The following KCNT1 variants were observed in gnomAD, a reference collection of about 807,000 sequenced individuals.
KCNT1 encodes potassium channel subfamily T member 1.
KCNT1 carries 78 observed loss-of-function variants against 147.8 expected under a neutral mutation model. The ratio of observed to expected loss-of-function variants is 0.53; its 90% CI spans 0.44 to 0.64. The LOEUF (loss-of-function observed/expected upper bound fraction) is 0.64, where lower values mean the gene tolerates loss of function less well. Ranked by LOEUF, KCNT1 falls within the 30% of genes least tolerant of loss-of-function variation. KCNT1 has a pLI of 0.00. For synonymous variants in KCNT1, 867 were observed against 748.8 expected (o/e 1.16, Z -2.58); for missense variants, 1,419 against 1,750.3 (o/e 0.81, Z 3.38).
rs1348044116 is a variant in KCNT1 at position 135,785,637 on chromosome 9, G to A, written c.3177+307G>A. ...AGGCAGGCAGCCCCCATGCCCATCT[G>A]GCCTGACCAGCCCCCAGCCTCCCAG... On this transcript the variant is annotated intron_variant, in intron 28 of 30. Coordinates refer to ENST00000371757, the MANE Select transcript of KCNT1 (RefSeq NM_020822.3). The A allele has an allele frequency of 2.1e-5, 12 of 573,668 alleles. No individual in the cohort carries two copies. In the East Asian group the frequency reaches 3.2e-4, roughly 16 times the overall value. 35.5% of individuals were successfully genotyped at this position (573,668 alleles called of 1,614,324 possible).
At position 135,770,219 on chromosome 9, in the gene KCNT1, G is replaced by A. The variant is rs185809995; in HGVS notation, c.1620-79G>A. Reference sequence around the variant, plus strand: ...ATCCATGCCAGGGGAAGCAGAGGGGGGCACCTGCAGACCCAGCCGGGGAGA... The same window carrying A: ...ATCCATGCCAGGGGAAGCAGAGGGGAGCACCTGCAGACCCAGCCGGGGAGA... On this transcript the variant is annotated intron_variant, in intron 16 of 30. Coordinates refer to ENST00000371757, the MANE Select transcript of KCNT1 (RefSeq NM_020822.3). 8.5e-5 allele frequency: 128 copies of A among 1,504,530 alleles called. 3 individuals are homozygous for A. The South Asian group carries it at 1.5e-3, about 18-fold the overall frequency. The allele number at this position is 1,504,530 out of a possible 1,614,324, so 93.2% of individuals were successfully genotyped here.
chr9:135,737,259 G>C (rs1439498007), intron 2 of KCNT1, among the ~76,000 whole-genome samples: 1 of 152,212 alleles, frequency 6.6e-6, no homozygotes, highest in Non-Finnish European at 1.5e-5. Flanking sequence ...GTATGCTTGG[G>C]CTGGTGTCTG....
In KCNT1 at chr9:135,791,874, G is replaced by T; in HGVS notation, c.3580G>T (p.Asp1194Tyr). 6.2e-7 allele frequency: 1 copy of T among 1,613,868 alleles called. No individual in the cohort carries two copies. The highest frequency in any genetic ancestry group is 1.1e-5 in the South Asian group (1 of 91,056). Reference protein sequence around the residue: ...PPPDTRLEPSDIVYLIRSDPL... With the variant: ...PPPDTRLEPSYIVYLIRSDPL... ...GCCCGACACGAGGCTGGAGCCCAGT[G>T]ACATTGTGTGAGTAGCACCTGTGGG... The change falls in exon 30 of 31, where the codon GAC becomes TAC. Residue 1194 changes from aspartate to tyrosine, a missense_variant. Physicochemically the swap from Asp to Tyr is radical, Grantham distance 160 (BLOSUM62 -3). This residue lies in a region of KCNT1 where 306 missense variants were observed against 294.2 expected (regional missense o/e 1.04). Coordinates refer to ENST00000371757, the MANE Select transcript of KCNT1 (RefSeq NM_020822.3).
chr9:135,750,575 C>T (rs1274815662), intron 3 of KCNT1: 1 of 410,240 alleles, frequency 2.4e-6, no homozygotes, highest in East Asian at 4.8e-5. Context: ...CCAGCCAGAG[C>T]TTGGCATCAT....
intron 2 of KCNT1, among the ~76,000 whole-genome samples, chr9:135,749,422 G>T (rs547910573): frequency 6.6e-6 from 1 of 152,302 alleles, no homozygotes. Context: ...GAGCAGCGGC[G>T]TGCATGGGGG....
chr9:135,766,242 T>G (rs952829632), intron 13 of KCNT1, among the ~76,000 whole-genome samples: 1 of 151,212 alleles, frequency 6.6e-6, no homozygotes, highest in African/African-American at 2.4e-5. Context: ...CTGTTCAGGG[T>G]GGACCATCCA....
intron 29 of KCNT1, chr9:135,788,172 C>T (rs768903346): frequency 1.2e-6 from 2 of 1,610,330 alleles, no homozygotes; most frequent in Admixed American, 3.3e-5. Context: ...GGTAATTCTG[C>T]CCTGGCGGGT....
chr9:135,785,112 G>T (rs1359846721), intron 27 of KCNT1, among the ~76,000 whole-genome samples, 198 bp from the exon 28 acceptor site: 1 of 152,202 alleles, frequency 6.6e-6, no homozygotes, highest in African/African-American at 2.4e-5. Context: ...AGCTGGAGCA[G>T]CCATGACCCC....
chr9:135,788,126 G>A, intron 29 of KCNT1: 1 of 1,612,772 alleles, frequency 6.2e-7, no homozygotes, highest in South Asian at 1.1e-5. Flanking sequence ...AACAGCCAGT[G>A]ATGTCATGAA....
chr9:135,756,936 A>T lies in KCNT1; in HGVS notation c.600+4A>T. 1 of 1,612,166 alleles carries T rather than the reference A, an allele frequency of 6.2e-7. No individual in the cohort carries two copies. The highest frequency in any genetic ancestry group is 8.5e-7 in the Non-Finnish European group (1 of 1,179,664). ...TCTCATCTACCTCAGCTACAAAGTG[A>T]GTGCCTGCCCGGGATGGCACCTCAC... On this transcript the variant is annotated splice_donor_region_variant and intron_variant, in intron 7 of 30. Coordinates refer to ENST00000371757, the MANE Select transcript of KCNT1 (RefSeq NM_020822.3).
intron 29 of KCNT1, chr9:135,789,521 C>T (rs982637212): frequency 2.0e-5 from 3 of 152,344 alleles, no homozygotes; most frequent in African/African-American, 4.8e-5. Context: ...ACGCCTTCCT[C>T]ACAGCTGCCG....
At chr9:135,777,918 C>T (rs1833292175) in intron 21 of KCNT1, among the ~76,000 whole-genome samples, 1 of 151,558 alleles carries the variant, frequency 6.6e-6, no homozygotes, top group South Asian at 2.1e-4. Context: ...CCAGCTCCTC[C>T]CTGCTCCCAG....
At chr9:135,761,037 TTTAAA>T (rs1831882017) in intron 11 of KCNT1, among the ~76,000 whole-genome samples, 2 of 151,610 alleles carry the variant, frequency 1.3e-5, no homozygotes, top group Non-Finnish European at 2.9e-5. Flanking sequence ...ATTTTTTTTT[TTTAAA>T]TTAGAGATAG....
At chr9:135,705,119 A>T (rs1257806227) in intron 1 of KCNT1, among the ~76,000 whole-genome samples, 1 of 152,166 alleles carries the variant, frequency 6.6e-6, no homozygotes, top group African/African-American at 2.4e-5. Context: ...ACAGAAAATT[A>T]CTTGGGACGA....
intron 2 of KCNT1, among the ~76,000 whole-genome samples, chr9:135,745,473 G>A (rs73574649): frequency 0.028 from 4,239 of 152,320 alleles, 184 homozygotes; most frequent in African/African-American, 0.096. Context: ...TGGGAGCCAC[G>A]GTGAGTCGAA....
At chr9:135,759,478 G>A (rs1381669217) in intron 10 of KCNT1, among the ~76,000 whole-genome samples, 1 of 152,228 alleles carries the variant, frequency 6.6e-6, no homozygotes, top group Non-Finnish European at 1.5e-5. Flanking sequence ...CAGGCAGGAG[G>A]TGGCTCCGGC....
At chr9:135,713,593 C>T (rs548506999) in intron 1 of KCNT1, among the ~76,000 whole-genome samples, 2 of 152,294 alleles carry the variant, frequency 1.3e-5, no homozygotes, top group South Asian at 2.1e-4. Flanking sequence ...GGGCACAGCA[C>T]GGGGAGCTGG....
chr9:135,777,263 G>A (rs1055108190), intron 20 of KCNT1, 75 bp from the exon 21 acceptor site: 1 of 1,472,992 alleles, frequency 6.8e-7, no homozygotes, highest in Non-Finnish European at 9.3e-7. Flanking sequence ...GTTTGGTGAG[G>A]GGTCTGGGAG....
At chr9:135,758,694 G>A (rs993221519) in intron 10 of KCNT1, among the ~76,000 whole-genome samples, 186 bp downstream of exon 10, 4 of 152,232 alleles carry the variant, frequency 2.6e-5, no homozygotes, top group Non-Finnish European at 5.9e-5. Flanking sequence ...CCAAGCCCAC[G>A]TCCCCAGTAC....
Sources: allele counts gnomAD v4.1 joint callset (sites outside exome capture counted in the v4.1 genomes callset), GRCh38; gene constraint gnomAD v4.1.1; regional missense constraint gnomAD v4.1.1; transcripts MANE v1.5; gene names NCBI Gene and HGNC (gene_info 2026-07-23, HGNC 2026-07-21).